The following KCNB2 variants were observed in gnomAD, a reference collection of about 807,000 sequenced individuals.
The protein encoded by KCNB2 is delayed rectifier potassium channel protein.
KCNB2 carries 15 observed loss-of-function variants against 61.5 expected under a neutral mutation model. The ratio of observed to expected loss-of-function variants is 0.24; its 90% CI spans 0.16 to 0.38. The LOEUF is 0.38. KCNB2 is among the 10% of genes least tolerant of loss of function. The pLI is 1.00. For synonymous variants in KCNB2, 457 were observed against 446.0 expected, an observed-to-expected ratio of 1.02 and a Z score of -0.31; for missense variants, 828 against 1,125.2, an observed-to-expected ratio of 0.74 and a Z score of 3.78.
At chr8:72,561,709 ATATATATATATATATATATC>A (rs1563523335) in intron 1 of KCNB2, among the ~76,000 whole-genome samples, 2 of 21,696 alleles carry the variant, frequency 9.2e-5, no homozygotes, top group African/African-American at 1.0e-3. Flanking sequence ...ATATATATAT[ATATATATATATATATATATC>A]TATATCTATA....
chr8:72,887,176 C>T (rs1307587127), intron 2 of KCNB2, among the ~76,000 whole-genome samples: 3 of 152,084 alleles, frequency 2.0e-5, no homozygotes, highest in Non-Finnish European at 2.9e-5. Flanking sequence ...AAAATAAAGC[C>T]GCAGCATTAG....
intron 2 of KCNB2, among the ~76,000 whole-genome samples, chr8:72,866,820 G>A (rs984940459): frequency 3.3e-5 from 5 of 151,986 alleles, no homozygotes; most frequent in African/African-American, 1.2e-4. Flanking sequence ...TTTTTTTTAA[G>A]TTAGGGACTC....
intron 2 of KCNB2, among the ~76,000 whole-genome samples, chr8:72,679,269 A>G (rs1229515049): frequency 6.6e-6 from 1 of 152,254 alleles, no homozygotes; most frequent in South Asian, 2.1e-4. Flanking sequence ...TTTAAGGAAT[A>G]GTATGGACAG....
Position 72,937,773 on chromosome 8 carries a change from A to G in KCNB2, c.2418A>G (p.Glu806=). ...FSSRERRSFT[E]IDTGDDEDFL... is the part of the protein sequence containing the mutation. ...CAAGAGAGAGGAGGAGCTTCACTGA[A>G]ATAGATACTGGTGACGACGAAGACT... Residue 806 remains glutamate, a synonymous_variant, in exon 3 of 3, where the codon GAA becomes GAG. Transcript: ENST00000523207. 1 of 1,614,032 alleles carries G rather than the reference A, an allele frequency of 6.2e-7. No homozygotes were observed. Among genetic ancestry groups the G allele is most frequent in the Non-Finnish European group, 8.5e-7 (1 of 1,180,026 alleles).
chr8:72,634,560 G>A (rs1382744918), intron 2 of KCNB2, among the ~76,000 whole-genome samples: 6 of 152,054 alleles, frequency 3.9e-5, no homozygotes, highest in East Asian at 1.9e-4. Flanking sequence ...TTGTATCTAC[G>A]TTAAATGTAT....
intron 2 of KCNB2, among the ~76,000 whole-genome samples, chr8:72,571,144 A>G (rs1806701884): frequency 6.6e-6 from 1 of 152,232 alleles, no homozygotes; most frequent in Admixed American, 6.5e-5. Context: ...GTGTTGCATA[A>G]CAGGCTAAAA....
intron 2 of KCNB2, among the ~76,000 whole-genome samples, chr8:72,910,315 A>G (rs1382299235): frequency 2.0e-5 from 3 of 152,170 alleles, no homozygotes; most frequent in African/African-American, 7.2e-5. Context: ...GGGATTAGTA[A>G]TGTCATCTAC....
At chr8:72,573,094 A>G (rs920437818) in intron 2 of KCNB2, among the ~76,000 whole-genome samples, 5 of 152,308 alleles carry the variant, frequency 3.3e-5, no homozygotes, top group African/African-American at 4.8e-5. Context: ...TGCCCTGTTG[A>G]TAACTCCTTG....
intron 2 of KCNB2, among the ~76,000 whole-genome samples, chr8:72,713,381 C>T (rs973531624): frequency 2.0e-5 from 3 of 152,192 alleles, no homozygotes; most frequent in African/African-American, 2.4e-5. Flanking sequence ...GTCCCTGACC[C>T]CCAAGTACCC....
intron 2 of KCNB2, among the ~76,000 whole-genome samples, chr8:72,743,120 A>C (rs1408625479): frequency 6.6e-6 from 1 of 152,244 alleles, no homozygotes; most frequent in Non-Finnish European, 1.5e-5. Context: ...AACCATGGAT[A>C]TGTCACTTAC....
chr8:72,813,236 G>A (rs4428706), intron 2 of KCNB2, among the ~76,000 whole-genome samples: 6,848 of 152,240 alleles, frequency 0.045, 191 homozygotes, highest in African/African-American at 0.079. Context: ...TGATTCTCAT[G>A]AGAAGGGCAA....
At chr8:72,695,372 T>G (rs1807002512) in intron 2 of KCNB2, among the ~76,000 whole-genome samples, 1 of 152,168 alleles carries the variant, frequency 6.6e-6, no homozygotes, top group South Asian at 2.1e-4. Flanking sequence ...AATTTTCTTC[T>G]CCTGTTTTAG....
rs5892353 is a variant in KCNB2 at position 72,566,710 on chromosome 8, C to CAA, written c.-93-918_-93-917dup. 2.6e-3 allele frequency among the ~76,000 whole-genome samples: 360 copies of CAA among 136,284 alleles called. 4 individuals carry two copies. Among genetic ancestry groups the CAA allele is most frequent in the African/African-American group, 9.5e-3 (348 of 36,816 alleles). The allele number at this position is 136,284 out of a possible 152,430, so 89.4% of individuals were successfully genotyped here. A position where few individuals can be genotyped will look rare whatever the true frequency, so the allele number is the denominator to read the frequency against. On this transcript the variant is annotated intron_variant, in intron 1 of 2. Coordinates refer to ENST00000523207, the MANE Select transcript of KCNB2 (RefSeq NM_004770.3). ...TGGGCTACAGAGTGAGACTCTATTT[C>CAA]AAAAAAAAAAAAAAAGAAAGAAAGG...
chr8:72,855,037 C>T (rs946752412), intron 2 of KCNB2, among the ~76,000 whole-genome samples: 1 of 152,188 alleles, frequency 6.6e-6, no homozygotes, highest in Non-Finnish European at 1.5e-5. Flanking sequence ...CAACACCTTT[C>T]AGCACTATTG....
chr8:72,807,969 G>T (rs373649965), intron 2 of KCNB2, among the ~76,000 whole-genome samples: 1 of 152,152 alleles, frequency 6.6e-6, no homozygotes, highest in South Asian at 2.1e-4. Context: ...GTTAGTAAAG[G>T]TGAGGTATGA....
intron 2 of KCNB2, among the ~76,000 whole-genome samples, chr8:72,593,894 C>A (rs1191889882): frequency 4.6e-5 from 7 of 151,816 alleles, no homozygotes; most frequent in Non-Finnish European, 7.4e-5. Flanking sequence ...ATAGGAAGAA[C>A]ATTTGATTTT....
At chr8:72,830,274 G>A (rs1366328075) in intron 2 of KCNB2, among the ~76,000 whole-genome samples, 1 of 146,792 alleles carries the variant, frequency 6.8e-6, no homozygotes, top group African/African-American at 2.5e-5. Flanking sequence ...GGAAAATAGA[G>A]TGAGAGAAGG....
Position 72,923,603 on chromosome 8 carries a change from C to G in KCNB2, c.580-12332C>G, listed in dbSNP as rs73687009. The stretch of plus-strand genomic sequence containing the variant: ...AGCTTTTCAGGTTAAATTAGAATGC[C>G]CTTAGTCAAGGAGTGGGGGTGGTCC... On this transcript the variant is annotated intron_variant, in intron 2 of 2. Transcript: ENST00000523207. 3.8e-3 allele frequency among the ~76,000 whole-genome samples: 579 copies of G among 152,146 alleles called. 3 individuals are homozygous for G. The highest frequency in any genetic ancestry group is 0.013 in the African/African-American group (542 of 41,502).
chr8:72,797,628 C>A (rs2128999221), intron 2 of KCNB2, among the ~76,000 whole-genome samples: 1 of 152,308 alleles, frequency 6.6e-6, no homozygotes, highest in South Asian at 2.1e-4. Context: ...CATCTAGCAC[C>A]TGCCAGGTTT....
Sources: allele counts gnomAD v4.1 joint callset (sites outside exome capture counted in the v4.1 genomes callset), GRCh38; gene constraint gnomAD v4.1.1; transcripts MANE v1.5; gene names NCBI Gene and HGNC (gene_info 2026-07-23, HGNC 2026-07-21).